CNGB3: variants seen among roughly 807,000 people sequenced by gnomAD.
The protein encoded by CNGB3 is cyclic nucleotide-gated channel beta-3.
CNGB3 carries 86 observed loss-of-function variants against 92.8 expected under a neutral mutation model. The ratio of observed to expected loss-of-function variants is 0.93; its 90% CI spans 0.78 to 1.11. The LOEUF is 1.11. CNGB3 is among the 50% of genes least tolerant of loss of function. CNGB3 has a pLI of 0.00. For synonymous variants in CNGB3, 333 were observed against 332.7 expected, an observed-to-expected ratio of 1.00 and a Z score of -0.01; for missense variants, 1,026 against 956.8, an observed-to-expected ratio of 1.07 and a Z score of -0.95.
chr8:86,666,755 C>A (rs1423296717), intron 6 of CNGB3, among the ~76,000 whole-genome samples, 170 bp downstream of exon 6: 1 of 152,138 alleles, frequency 6.6e-6, no homozygotes, highest in African/African-American at 2.4e-5. Flanking sequence ...ACATTGTGAA[C>A]ACTCAATGGC....
At chr8:86,629,157 G>T in intron 11 of CNGB3, 79 bp from the exon 12 acceptor site, 2 of 1,430,748 alleles carry the variant, frequency 1.4e-6, no homozygotes, top group Non-Finnish European at 2.0e-6. Flanking sequence ...TTTTCCACAT[G>T]ATATACTTCC....
chr8:86,661,395 C>A, intron 6 of CNGB3: 1 of 439,950 alleles, frequency 2.3e-6, no homozygotes, highest in South Asian at 1.9e-5. Context: ...AATTCTCTAT[C>A]AGGAAGAGGA....
intron 7 of CNGB3, among the ~76,000 whole-genome samples, chr8:86,649,649 CAAGAT>C (rs1447517372): frequency 6.6e-6 from 1 of 151,510 alleles, no homozygotes; most frequent in Non-Finnish European, 1.5e-5. Context: ...GAAATCAACT[CAAGAT>C]AAATCAAAGA....
chr8:86,622,375 CTT>C (rs11318413), intron 13 of CNGB3, among the ~76,000 whole-genome samples: 29,064 of 131,654 alleles, frequency 0.22, 2,495 homozygotes, highest in Admixed American at 0.27. Context: ...GGCCATTCTT[CTT>C]TTTTTTTTTT....
At chr8:86,635,861 T>TAC (rs1554611016) in intron 10 of CNGB3, among the ~76,000 whole-genome samples, 4,252 of 66,192 alleles carry the variant, frequency 0.064, 296 homozygotes, top group South Asian at 0.14. Flanking sequence ...TATATATATA[T>TAC]ATACACATAC....
intron 5 of CNGB3, 132 bp downstream of exon 5, chr8:86,667,871 CTTTGCAGGTTATTTAA>C: frequency 1.1e-6 from 1 of 904,232 alleles, no homozygotes; most frequent in Non-Finnish European, 1.8e-6. Flanking sequence ...GCAAATGATC[CTTTGCAGGTTATTTAA>C]TTTAAATTCT....
chr8:86,591,160 G>C (rs867669407), intron 15 of CNGB3, among the ~76,000 whole-genome samples: 1 of 148,528 alleles, frequency 6.7e-6, no homozygotes, highest in Non-Finnish European at 1.5e-5. Flanking sequence ...CATTCTTCAC[G>C]TAGTTCTCGA....
Position 86,743,616 on chromosome 8 carries a change from C to T in CNGB3, c.12G>A (p.Ser4=), listed in dbSNP as rs139284415. 5.1e-5 allele frequency: 83 copies of T among 1,613,886 alleles called. No homozygotes were observed. The African/African-American group carries it at 5.9e-4, about 11-fold the overall frequency. ...GCTTCACCTTGTTGACTTTTGTCAGCGATTTAAACATCTTCTCTGAGGTGG... is the reference window on the plus strand; with the variant it reads ...GCTTCACCTTGTTGACTTTTGTCAGTGATTTAAACATCTTCTCTGAGGTGG... MFK[S]LTKVNKVKPI... Residue 4 remains serine (S), a synonymous_variant, in exon 1 of 18, where the codon TCG becomes TCA. Coordinates refer to ENST00000320005, the MANE Select transcript of CNGB3 (RefSeq NM_019098.5).
intron 3 of CNGB3, among the ~76,000 whole-genome samples, chr8:86,719,575 G>A (rs578096074): frequency 6.6e-6 from 1 of 152,152 alleles, no homozygotes; most frequent in South Asian, 2.1e-4. Flanking sequence ...ACTGCCAAAA[G>A]CAATCTACAA....
chr8:86,596,883 G>A (rs1018324112), intron 15 of CNGB3, among the ~76,000 whole-genome samples: 4 of 152,114 alleles, frequency 2.6e-5, no homozygotes, highest in East Asian at 1.9e-4. Flanking sequence ...GCAGAGACAT[G>A]GATGAAGCTG....
chr8:86,689,503 A>G (rs1388399600), intron 3 of CNGB3, among the ~76,000 whole-genome samples: 1 of 150,136 alleles, frequency 6.7e-6, no homozygotes, highest in Non-Finnish European at 1.5e-5. Flanking sequence ...CCAATTATAT[A>G]TATATATTTT....
intron 15 of CNGB3, among the ~76,000 whole-genome samples, chr8:86,590,428 C>G (rs1822002055): frequency 6.6e-6 from 1 of 151,978 alleles, no homozygotes; most frequent in Non-Finnish European, 1.5e-5. Flanking sequence ...CAGTTTCTTC[C>G]TAGTCTCGAT....
chr8:86,647,781 A>T lies in CNGB3; in HGVS notation c.990+20T>A, dbSNP rs1554612125. On this transcript the variant is annotated intron_variant, in intron 8 of 17. Coordinates refer to ENST00000320005, the MANE Select transcript of CNGB3 (RefSeq NM_019098.5). ...TATTTCCATTATAAGGGAAAAGACA[A>T]TTAAATATAGTTATCTTACCTTTAA... is the stretch of plus-strand genomic sequence containing the variant. 1 of 1,213,058 alleles carries T rather than the reference A, an allele frequency of 8.2e-7. No homozygotes were observed. Among genetic ancestry groups the T allele is most frequent in the Non-Finnish European group, 1.2e-6 (1 of 815,918 alleles). 75.1% of individuals were successfully genotyped at this position (1,213,058 alleles called of 1,614,324 possible). A position where few individuals can be genotyped will look rare whatever the true frequency, so the allele number is the denominator to read the frequency against.
intron 3 of CNGB3, among the ~76,000 whole-genome samples, chr8:86,681,075 C>G (rs751376069): frequency 2.0e-5 from 3 of 152,038 alleles, no homozygotes; most frequent in Non-Finnish European, 4.4e-5. Flanking sequence ...CACCAAATTA[C>G]CAAGCGATTG....
intron 10 of CNGB3, among the ~76,000 whole-genome samples, chr8:86,635,897 A>T (rs1823063245): frequency 7.2e-6 from 1 of 139,286 alleles, no homozygotes; most frequent in Admixed American, 7.2e-5. Flanking sequence ...TACTTAAAGC[A>T]GTAAGGCAGG....
intron 15 of CNGB3, among the ~76,000 whole-genome samples, chr8:86,582,393 CAA>C (rs35627136): frequency 1.6e-3 from 215 of 134,820 alleles, no homozygotes; most frequent in Middle Eastern, 3.9e-3. Context: ...GACCCTATCT[CAA>C]AAAAAAAAAA....
At chr8:86,665,860 C>A (rs1185422199) in intron 6 of CNGB3, among the ~76,000 whole-genome samples, 6 of 152,008 alleles carry the variant, frequency 3.9e-5, no homozygotes, top group African/African-American at 9.7e-5. Context: ...ACCCAGGTAA[C>A]AAACCTGTAT....
At chr8:86,725,306 C>A (rs1825041640) in intron 3 of CNGB3, among the ~76,000 whole-genome samples, 1 of 152,050 alleles carries the variant, frequency 6.6e-6, no homozygotes, top group Admixed American at 6.6e-5. Flanking sequence ...TTACTACAGG[C>A]AAATGAATTA....
chr8:86,583,009 TACTG>T (rs1821819580), intron 15 of CNGB3, among the ~76,000 whole-genome samples: 1 of 11,758 alleles, frequency 8.5e-5, no homozygotes, highest in Non-Finnish European at 1.9e-4. Context: ...AATCTTGGCT[TACTG>T]CAACCTCTGC....
Sources: allele counts gnomAD v4.1 joint callset (sites outside exome capture counted in the v4.1 genomes callset), GRCh38; gene constraint gnomAD v4.1.1; transcripts MANE v1.5; gene names NCBI Gene and HGNC (gene_info 2026-07-23, HGNC 2026-07-21).